Variants in SMC1B observed in about 807,000 individuals in gnomAD.
SMC1B encodes the protein structural maintenance of chromosomes protein 1B.
In SMC1B, 60 loss-of-function variants were observed where a neutral mutation model predicts 157.9. That is an observed-to-expected ratio of 0.38 (90% CI 0.31 to 0.47). The LOEUF is 0.47. SMC1B is among the 20% of genes least tolerant of loss of function. SMC1B has a pLI of 0.99. For synonymous variants in SMC1B, 445 were observed against 483.0 expected, an observed-to-expected ratio of 0.92 and a Z score of 1.03; for missense variants, 1,165 against 1,426.2, an observed-to-expected ratio of 0.82 and a Z score of 2.95.
At chr22:45,387,754 C>T (rs780625777) in intron 10 of SMC1B, among the ~76,000 whole-genome samples, 1 of 152,052 alleles carries the variant, frequency 6.6e-6, no homozygotes, top group Non-Finnish European at 1.5e-5. Context: ...ACTTTTGGGC[C>T]AGGCGTGTAG....
intron 21 of SMC1B, among the ~76,000 whole-genome samples, chr22:45,353,254 T>A (rs1184134840): frequency 2.0e-5 from 2 of 101,164 alleles, no homozygotes; most frequent in Non-Finnish European, 1.9e-5. Flanking sequence ...AGAGGGAAAC[T>A]CTGTCTCAAA....
intron 11 of SMC1B, among the ~76,000 whole-genome samples, chr22:45,384,933 A>C (rs530953708): frequency 5.1e-4 from 77 of 152,312 alleles, no homozygotes; most frequent in African/African-American, 1.6e-3. Context: ...TGGAAAAAAT[A>C]ATCTTTTCAC....
chr22:45,348,303 G>A (rs1345557284), intron 23 of SMC1B, among the ~76,000 whole-genome samples: 3 of 152,210 alleles, frequency 2.0e-5, no homozygotes, highest in African/African-American at 4.8e-5. Context: ...TGTAATCCCA[G>A]CACTTTGGGA....
At chr22:45,408,659 A>C (rs761958572) in intron 2 of SMC1B, 51 bp downstream of exon 2, 2 of 1,326,274 alleles carry the variant, frequency 1.5e-6, no homozygotes, top group Admixed American at 2.4e-5. Flanking sequence ...AAAATGGGCA[A>C]TCTTACTTGA....
intron 5 of SMC1B, among the ~76,000 whole-genome samples, chr22:45,399,905 GCA>G (rs2087172650): frequency 6.6e-6 from 1 of 152,204 alleles, no homozygotes; most frequent in Non-Finnish European, 1.5e-5. Flanking sequence ...TACTGGAAAT[GCA>G]CAATTAAGCA....
chr22:45,409,592 ATAAATAAATAAATAAAT>A (rs946829868), intron 1 of SMC1B, among the ~76,000 whole-genome samples: 14 of 79,248 alleles, frequency 1.8e-4, no homozygotes, highest in African/African-American at 1.5e-3. Flanking sequence ...AAATAAATAA[ATAAATAAATAAATAAAT>A]AAAAACAAGA....
At position 45,354,089 on chromosome 22, in the gene SMC1B, C is replaced by T. The variant is rs759383176; in HGVS notation, c.3162G>A (p.Glu1054=). Residue 1054 remains glutamate, a synonymous_variant, in exon 21 of 25, where the codon GAG becomes GAA. Coordinates refer to ENST00000357450, the MANE Select transcript of SMC1B (RefSeq NM_148674.5). ...ATCTCCTTTTTTTCACTTGCTCGAA[C>T]TCTTGCCTACACAGTCTGGCTTCCT... The part of the protein sequence containing the change: ...SRKEARLCRQ[E]FEQVKKRRYD... The T allele has an allele frequency of 4.4e-5, 71 of 1,600,822 alleles. No individual in the cohort carries two copies. The highest frequency in any genetic ancestry group is 5.7e-5 in the Non-Finnish European group (67 of 1,175,136).
chr22:45,386,744 G>T (rs2086993496), intron 11 of SMC1B, 123 bp downstream of exon 11: 1 of 824,240 alleles, frequency 1.2e-6, no homozygotes, highest in Non-Finnish European at 1.8e-6. Flanking sequence ...TTCTATGTTG[G>T]TTCTCTTTAG....
At chr22:45,355,208 G>T in intron 19 of SMC1B, 93 bp from the exon 20 acceptor site, 1 of 1,270,068 alleles carries the variant, frequency 7.9e-7, no homozygotes, top group Non-Finnish European at 1.1e-6. Context: ...ACCATCCCAG[G>T]TCCCTGTGCA....
At chr22:45,383,682 A>T (rs2086961515) in intron 11 of SMC1B, 69 bp from the exon 12 acceptor site, 1 of 1,322,612 alleles carries the variant, frequency 7.6e-7, no homozygotes, top group Non-Finnish European at 1.0e-6. Flanking sequence ...ACAATGTGTC[A>T]ATTTTTAAAG....
chr22:45,377,070 T>C (rs1042219265), intron 12 of SMC1B, among the ~76,000 whole-genome samples: 2 of 152,206 alleles, frequency 1.3e-5, no homozygotes, highest in African/African-American at 4.8e-5. Flanking sequence ...TTTTCAAACA[T>C]TTCACTTTTT....
intron 9 of SMC1B, among the ~76,000 whole-genome samples, chr22:45,391,289 T>A (rs990416433): frequency 9.2e-5 from 14 of 152,234 alleles, no homozygotes; most frequent in Non-Finnish European, 1.5e-4. Flanking sequence ...TATTCAGTAA[T>A]AATGCCTATT....
chr22:45,393,610 A>T (rs1229230404), intron 9 of SMC1B, 24 bp downstream of exon 9: 4 of 1,553,280 alleles, frequency 2.6e-6, no homozygotes, highest in Admixed American at 2.0e-5. Flanking sequence ...TTTTTTGTTT[A>T]AATTAACTAT....
chr22:45,402,575 T>A lies in SMC1B; in HGVS notation c.616-4A>T. ...GGAGACTCTGGTAACGTTCTGCCTA[T>A]AAAAGAGTATAATTCAACAGCAGTT... On this transcript the variant is annotated splice_polypyrimidine_tract_variant and splice_region_variant and intron_variant, in intron 4 of 24. Transcript: ENST00000357450. 1 of 1,601,126 alleles carries A rather than the reference T, an allele frequency of 6.2e-7. No homozygotes were observed. The highest frequency in any genetic ancestry group is 1.1e-5 in the South Asian group (1 of 89,896).
At chr22:45,353,261 C>CAAAAAAAAAAA (rs11311805) in intron 21 of SMC1B, among the ~76,000 whole-genome samples, 1 of 102,592 alleles carries the variant, frequency 9.7e-6, no homozygotes. Context: ...AACTCTGTCT[C>CAAAAAAAAAAA]AAAAAAAAAA....
chr22:45,384,772 A>G (rs2086973864), intron 11 of SMC1B, among the ~76,000 whole-genome samples: 1 of 151,970 alleles, frequency 6.6e-6, no homozygotes, highest in Non-Finnish European at 1.5e-5. Context: ...TAGAAATTTT[A>G]TGGTTTTACT....
intron 14 of SMC1B, among the ~76,000 whole-genome samples, chr22:45,370,505 A>T (rs1458007354): frequency 6.6e-6 from 1 of 152,222 alleles, no homozygotes; most frequent in Non-Finnish European, 1.5e-5. Context: ...AAATTCAACA[A>T]AGTAAAATTT....
At chr22:45,351,750 A>G (rs1396722959) in intron 22 of SMC1B, among the ~76,000 whole-genome samples, 2 of 152,128 alleles carry the variant, frequency 1.3e-5, no homozygotes, top group African/African-American at 2.4e-5. Flanking sequence ...GGGTCTCACT[A>G]TGTTGCCCAG....
intron 21 of SMC1B, 71 bp downstream of exon 21, chr22:45,353,907 A>AAC: frequency 1.5e-6 from 1 of 661,308 alleles, no homozygotes; most frequent in Non-Finnish European, 2.2e-6. Flanking sequence ...AAAAAAAAAA[A>AAC]AAAAAAAAAA....
Sources: allele counts gnomAD v4.1 joint callset (sites outside exome capture counted in the v4.1 genomes callset), GRCh38; gene constraint gnomAD v4.1.1; transcripts MANE v1.5; gene names NCBI Gene and HGNC (gene_info 2026-07-23, HGNC 2026-07-21).